Variants in ANO1 observed in about 807,000 individuals in gnomAD.
ANO1 encodes the protein anoctamin 1.
A neutral mutation model predicts 124.0 loss-of-function variants in ANO1; 59 were observed. The observed-to-expected ratio is 0.48, with a 90% CI of 0.39 to 0.59. The LOEUF (loss-of-function observed/expected upper bound fraction) is 0.59. ANO1 is among the 20% of genes least tolerant of loss of function. ANO1 has a pLI of 0.00. For missense variants in ANO1, 1,059 were observed against 1,328.0 expected, an observed-to-expected ratio of 0.80 and a Z score of 3.15; for synonymous variants, 529 against 532.0, an observed-to-expected ratio of 0.99 and a Z score of 0.08.
At chr11:70,149,680 C>G (rs1331094446) in intron 11 of ANO1, 30 bp from the exon 12 acceptor site, 1 of 1,599,890 alleles carries the variant, frequency 6.3e-7, no homozygotes, top group Non-Finnish European at 8.5e-7. Context: ...TTTATGTCAT[C>G]AGAGACTCTG....
chr11:69,975,132 T>C, the ANO1 span, among the ~76,000 whole-genome samples: 2 of 152,104 alleles, frequency 1.3e-5, no homozygotes, highest in Non-Finnish European at 2.9e-5. Flanking sequence ...CCTAACCTGC[T>C]CTCTCCGGGT....
intron 1 of ANO1, among the ~76,000 whole-genome samples, chr11:69,986,422 G>T (rs1482315688): frequency 6.6e-6 from 1 of 152,090 alleles, no homozygotes; most frequent in East Asian, 1.9e-4. Context: ...GAGCCCCGGG[G>T]CTGGGCTGGG....
intron 19 of ANO1, among the ~76,000 whole-genome samples, chr11:70,164,003 T>C (rs531023976): frequency 6.6e-6 from 1 of 152,152 alleles, no homozygotes; most frequent in South Asian, 2.1e-4. Context: ...TTTTTTTTAC[T>C]CGACATTGAA....
chr11:70,163,277 T>G lies in ANO1; in HGVS notation c.1893-6T>G. The G allele has an allele frequency of 6.2e-7, 1 of 1,613,176 alleles. No individual in the cohort carries two copies. Among genetic ancestry groups the G allele is most frequent in the Middle Eastern group, 1.8e-4 (1 of 5,644 alleles). ...TTTTCTCTAACGACCTCCCCCATCG[T>G]TTCAGGTTTGTTGGACGCCCGGGCG... On this transcript the variant is annotated splice_region_variant and splice_polypyrimidine_tract_variant and intron_variant, in intron 18 of 25. Coordinates refer to ENST00000355303, the MANE Select transcript of ANO1 (RefSeq NM_018043.7).
intron 2 of ANO1, among the ~76,000 whole-genome samples, chr11:70,088,308 G>A (rs1444413630): frequency 2.0e-5 from 3 of 152,002 alleles, no homozygotes; most frequent in Non-Finnish European, 2.9e-5. Context: ...TCAAGAGATC[G>A]AGGCCATCCT....
intron 14 of ANO1, among the ~76,000 whole-genome samples, chr11:70,155,153 T>C (rs1369433911): frequency 6.6e-6 from 1 of 152,198 alleles, no homozygotes; most frequent in East Asian, 1.9e-4. Context: ...AATTCCTTCC[T>C]AAGGGGCAGA....
rs765934102 is a variant in ANO1, at chr11:70,182,675, G to T, written c.2577G>T (p.Val859=). Reference sequence around the variant, plus strand: ...ACCCCCTGGACCTGGGCTACGAGGTGCAGATCTGCAGGTACTGCTCTCTGC... The same window carrying T: ...ACCCCCTGGACCTGGGCTACGAGGTTCAGATCTGCAGGTACTGCTCTCTGC... The part of the protein sequence containing the change: ...PNDPLDLGYE[V]QICRYKDYRE... The change falls in exon 24 of 26, where the codon GTG becomes GTT. Residue 859 remains valine, a synonymous_variant. Coordinates refer to ENST00000355303, the MANE Select transcript of ANO1 (RefSeq NM_018043.7). 1 of 1,591,680 alleles carries T rather than the reference G, an allele frequency of 6.3e-7. No homozygotes were observed. The highest frequency in any genetic ancestry group is 8.6e-7 in the Non-Finnish European group (1 of 1,168,930).
chr11:70,109,871 G>A (rs865786710), intron 6 of ANO1, among the ~76,000 whole-genome samples: 50 of 152,200 alleles, frequency 3.3e-4, no homozygotes, highest in Middle Eastern at 3.4e-3. Context: ...CCTGCACCTG[G>A]TGACGGGGCA....
chr11:70,135,962 G>C (rs2046941055), intron 11 of ANO1, among the ~76,000 whole-genome samples: 1 of 152,222 alleles, frequency 6.6e-6, no homozygotes, highest in Non-Finnish European at 1.5e-5. Flanking sequence ...TCACCTGTGG[G>C]AGTGCCTACT....
chr11:70,065,066 G>A (rs1242569131), intron 1 of ANO1: 1 of 152,288 alleles, frequency 6.6e-6, no homozygotes, highest in Non-Finnish European at 1.5e-5. Context: ...CAGGGAGCAG[G>A]GGGACCTGAG....
intron 14 of ANO1, among the ~76,000 whole-genome samples, chr11:70,153,966 A>G (rs1226406246): frequency 6.6e-6 from 1 of 151,932 alleles, no homozygotes; most frequent in Admixed American, 6.6e-5. Context: ...GGGTTTCACT[A>G]TGTTGCCCAG....
chr11:70,021,996 G>A (rs1555002671), intron 1 of ANO1, among the ~76,000 whole-genome samples: 1 of 152,216 alleles, frequency 6.6e-6, no homozygotes, highest in Non-Finnish European at 1.5e-5. Context: ...TGTGTGCTCA[G>A]ATCAGACCCA....
rs539656944 is a variant in ANO1, at chr11:70,023,913, C to T, written c.58+37747C>T. 4.6e-5 allele frequency among the ~76,000 whole-genome samples: 7 copies of T among 152,278 alleles called. No homozygotes were observed. The East Asian group carries it at 1.2e-3, about 25-fold the overall frequency. ...GATTTCAAGTTTACCAAAGTCTTGT[C>T]GAGAAAATGCAGGTGGTTCACTGCA... On this transcript the variant is annotated intron_variant, in intron 1 of 27. Coordinates refer to the ANO1 transcript ENST00000531349.
At chr11:70,102,126 TA>T (rs2045302603) in intron 2 of ANO1, among the ~76,000 whole-genome samples, 1 of 152,146 alleles carries the variant, frequency 6.6e-6, no homozygotes. Flanking sequence ...GAGGGAAAGC[TA>T]GAGACGCTGG....
In ANO1 at chr11:70,155,930, AG is replaced by A; in HGVS notation, c.1447del (p.Glu483SerfsTer17). ...RNKEKRRHIP[E>X]ESTNKWKQRV... ...CCTCAGAAGCGCCGGCATATTCCAG[AG>A]GAGTCAACAAACAAATGGAAGCAGA... On this transcript the variant is annotated frameshift_variant, in exon 15 of 26. Transcript: ENST00000355303. LOFTEE classifies it high-confidence loss of function. 1 of 1,541,578 alleles carries A rather than the reference AG, an allele frequency of 6.5e-7. No individual in the cohort carries two copies. The highest frequency in any genetic ancestry group is 8.7e-7 in the Non-Finnish European group (1 of 1,143,020).
chr11:70,065,952 T>A (rs575672351), intron 1 of ANO1, among the ~76,000 whole-genome samples: 2 of 152,288 alleles, frequency 1.3e-5, no homozygotes, highest in East Asian at 3.9e-4. Context: ...CCTGCTTCCG[T>A]CCTCCACAGC....
chr11:70,180,722 A>ACAGAGACAGT (rs2048898380), intron 23 of ANO1, among the ~76,000 whole-genome samples: 3 of 152,192 alleles, frequency 2.0e-5, no homozygotes, highest in African/African-American at 7.2e-5. Context: ...ACAGAGACAG[A>ACAGAGACAGT]GGGAGAGAAA....
chr11:70,102,630 C>T (rs748342734), intron 2 of ANO1, among the ~76,000 whole-genome samples: 7 of 152,214 alleles, frequency 4.6e-5, no homozygotes, highest in Admixed American at 1.3e-4. Flanking sequence ...CAGTCGTCCC[C>T]TCCTCGGCAC....
chr11:70,035,681 T>TC (rs1422364660), intron 1 of ANO1, among the ~76,000 whole-genome samples: 12 of 152,026 alleles, frequency 7.9e-5, no homozygotes, highest in African/African-American at 2.2e-4. Flanking sequence ...ATGCTCTCCC[T>TC]CCCCTTGCTC....
Sources: allele counts gnomAD v4.1 joint callset (sites outside exome capture counted in the v4.1 genomes callset), GRCh38; gene constraint gnomAD v4.1.1; transcripts MANE v1.5; gene names NCBI Gene and HGNC (gene_info 2026-07-23, HGNC 2026-07-21).